The following CFAP61 variants were observed in gnomAD, a reference collection of about 807,000 sequenced individuals.
CFAP61 encodes the protein cilia and flagella associated protein 61.
A neutral mutation model predicts 135.6 loss-of-function variants in CFAP61; 107 were observed. The observed-to-expected ratio is 0.79, with a 90% confidence interval of 0.67 to 0.93. The LOEUF (loss-of-function observed/expected upper bound fraction) is 0.93. CFAP61 is among the 40% of genes least tolerant of loss of function. The pLI is 0.00. For missense variants in CFAP61, 1,507 were observed against 1,556.2 expected, an observed-to-expected ratio of 0.97 and a Z score of 0.53; for synonymous variants, 575 against 578.5, an observed-to-expected ratio of 0.99 and a Z score of 0.09.
intron 1 of CFAP61, chr20:20,055,813 C>A: frequency 1.5e-6 from 1 of 669,846 alleles, no homozygotes; most frequent in Non-Finnish European, 2.6e-6. Flanking sequence ...TCATTGTTTT[C>A]CCTGTTTTGA....
rs1453072438 is a variant in CFAP61 at position 20,052,600 on chromosome 20, C to G, written c.-37+9C>G. ...CTGGAGCTGCGGATGAGGTGGGTAA[C>G]GCCGTGCTGACTAGCAGCGACGCAA... On this transcript the variant is annotated intron_variant, in intron 1 of 26. Transcript: ENST00000245957. The G allele has an allele frequency of 6.2e-7, 1 of 1,613,658 alleles. No homozygotes were observed. Among genetic ancestry groups the G allele is most frequent in the Non-Finnish European group, 8.5e-7 (1 of 1,179,878 alleles).
chr20:20,188,509 T>C (rs1197801195), intron 14 of CFAP61, among the ~76,000 whole-genome samples: 1 of 152,108 alleles, frequency 6.6e-6, no homozygotes, highest in Non-Finnish European at 1.5e-5. Flanking sequence ...GACCCTTTTG[T>C]TGAGCTGGCT....
At chr20:20,318,327 A>C (rs757459108) in intron 25 of CFAP61, among the ~76,000 whole-genome samples, 1 of 152,240 alleles carries the variant, frequency 6.6e-6, no homozygotes, top group Non-Finnish European at 1.5e-5. Flanking sequence ...TTAATTTCAG[A>C]GTTTTTAAAA....
At chr20:20,322,329 G>T (rs756679738) in intron 25 of CFAP61, among the ~76,000 whole-genome samples, 8 of 152,166 alleles carry the variant, frequency 5.3e-5, no homozygotes, top group Non-Finnish European at 1.0e-4. Context: ...ATCAAATGAC[G>T]TTCCCTGTTT....
At chr20:20,217,257 AT>A (rs997410347) in intron 17 of CFAP61, among the ~76,000 whole-genome samples, 2 of 152,244 alleles carry the variant, frequency 1.3e-5, no homozygotes, top group African/African-American at 2.4e-5. Flanking sequence ...AATACAAACC[AT>A]TGTTTGCATT....
chr20:20,063,471 T>C (rs921149324), intron 2 of CFAP61, among the ~76,000 whole-genome samples: 1 of 152,226 alleles, frequency 6.6e-6, no homozygotes, highest in South Asian at 2.1e-4. Flanking sequence ...TTGATTAGTC[T>C]AATTCATCAA....
In CFAP61 at chr20:20,123,114, T is replaced by G. The variant is rs531606411; in HGVS notation, c.860-19743T>G. 3.1e-4 allele frequency among the ~76,000 whole-genome samples: 47 copies of G among 151,786 alleles called. 1 individual carries two copies. Among genetic ancestry groups the G allele is most frequent in the African/African-American group, 1.1e-3 (46 of 41,134 alleles). ...GTCCTTAGCTCACTTTTTGATGGGA[T>G]TGTTTGTTTTTTTTCTTACTGATTT... On this transcript the variant is annotated intron_variant, in intron 8 of 26. Coordinates refer to ENST00000245957, the MANE Select transcript of CFAP61 (RefSeq NM_015585.4).
intron 22 of CFAP61, among the ~76,000 whole-genome samples, chr20:20,283,202 G>A (rs1206765220): frequency 6.6e-6 from 1 of 151,980 alleles, no homozygotes; most frequent in Admixed American, 6.6e-5. Context: ...TTTGATTTTT[G>A]CTTTATCTTT....
intron 9 of CFAP61, among the ~76,000 whole-genome samples, chr20:20,156,887 G>C (rs2052956658): frequency 6.6e-6 from 1 of 152,130 alleles, no homozygotes; most frequent in Admixed American, 6.5e-5. Flanking sequence ...ATGTTCGTGG[G>C]ATATTGAATC....
chr20:20,337,492 A>AGATGGGTGGGTGGGTGGATGGATGGATG (rs2058258498), intron 25 of CFAP61, among the ~76,000 whole-genome samples: 1 of 36,162 alleles, frequency 2.8e-5, no homozygotes. Context: ...ATGGATGGAT[A>AGATGGGTGGGTGGGTGGATGGATGGATG]GATGGGTGGA....
At chr20:20,338,480 T>G (rs1406904990) in intron 25 of CFAP61, among the ~76,000 whole-genome samples, 1 of 151,766 alleles carries the variant, frequency 6.6e-6, no homozygotes, top group Non-Finnish European at 1.5e-5. Context: ...AAAAGTGATA[T>G]GTTTCTTCCC....
At chr20:20,210,426 C>T (rs1280226054) in intron 17 of CFAP61, among the ~76,000 whole-genome samples, 1 of 152,220 alleles carries the variant, frequency 6.6e-6, no homozygotes, top group East Asian at 1.9e-4. Flanking sequence ...TCTTGCAACC[C>T]GTTATCTGCC....
intron 14 of CFAP61, among the ~76,000 whole-genome samples, chr20:20,189,116 T>C (rs1041950355): frequency 6.6e-6 from 1 of 152,182 alleles, no homozygotes; most frequent in African/African-American, 2.4e-5. Flanking sequence ...TTTGCTCTTT[T>C]GGAAAAAAAC....
intron 25 of CFAP61, among the ~76,000 whole-genome samples, chr20:20,312,955 C>T (rs1431962772): frequency 5.9e-5 from 9 of 152,212 alleles, no homozygotes; most frequent in Non-Finnish European, 1.3e-4. Flanking sequence ...CATTATTTAA[C>T]TATTTAATTT....
intron 21 of CFAP61, among the ~76,000 whole-genome samples, chr20:20,269,778 T>TA (rs2053199338): frequency 6.6e-6 from 1 of 152,232 alleles, no homozygotes; most frequent in Non-Finnish European, 1.5e-5. Context: ...CCATATAAAA[T>TA]GCCAGTTGGA....
intron 26 of CFAP61, among the ~76,000 whole-genome samples, chr20:20,358,153 C>G (rs1317575939): frequency 7.8e-6 from 1 of 128,792 alleles, no homozygotes; most frequent in African/African-American, 3.1e-5. Flanking sequence ...GGTGGTCACA[C>G]TGAGGGGAGG....
intron 8 of CFAP61, among the ~76,000 whole-genome samples, chr20:20,101,851 C>G (rs918247126): frequency 6.6e-6 from 1 of 152,152 alleles, no homozygotes; most frequent in African/African-American, 2.4e-5. Context: ...TGGTCTTGAA[C>G]TCCGGGCCTC....
intron 20 of CFAP61, among the ~76,000 whole-genome samples, chr20:20,256,988 T>C (rs2051659372): frequency 6.6e-6 from 1 of 152,132 alleles, no homozygotes; most frequent in African/African-American, 2.4e-5. Flanking sequence ...TCAAATTGCA[T>C]TGAGGATGAT....
intron 17 of CFAP61, among the ~76,000 whole-genome samples, chr20:20,222,832 T>A (rs2048490672): frequency 6.6e-6 from 1 of 152,204 alleles, no homozygotes; most frequent in Admixed American, 6.5e-5. Context: ...GCCGCACCAC[T>A]GTAAATCTGT....
Sources: gnomAD v4.1 joint callset for allele counts (sites outside exome capture counted in the v4.1 genomes callset) on GRCh38, gnomAD v4.1.1 for gene constraint, MANE v1.5 for transcripts, NCBI Gene and HGNC (gene_info 2026-07-23, HGNC 2026-07-21) for gene names.